The following DLGAP1 variants were observed in gnomAD, a reference collection of about 807,000 sequenced individuals.
DLGAP1 encodes disks large-associated protein 1.
Under a neutral mutation model 90.8 loss-of-function variants are expected in DLGAP1, and 11 were observed. The observed-to-expected ratio is 0.12, with a 90% CI of 0.08 to 0.20. The LOEUF (loss-of-function observed/expected upper bound fraction) is 0.20. Ranked by LOEUF, DLGAP1 falls within the 10% of genes least tolerant of loss-of-function variation. DLGAP1 has a pLI of 1.00. For synonymous variants in DLGAP1, 558 were observed against 540.7 expected, an observed-to-expected ratio of 1.03 and a Z score of -0.44; for missense variants, 1,050 against 1,333.8, an observed-to-expected ratio of 0.79 and a Z score of 3.31.
At chr18:3,808,861 A>ATGGTTT (rs1489824292) in intron 5 of DLGAP1, among the ~76,000 whole-genome samples, 1 of 152,194 alleles carries the variant, frequency 6.6e-6, no homozygotes, top group Non-Finnish European at 1.5e-5. Context: ...GCAAGAGGCT[A>ATGGTTT]TGGTTTTGGG....
At chr18:3,862,569 G>C (rs1329236830) in intron 4 of DLGAP1, among the ~76,000 whole-genome samples, 1 of 152,224 alleles carries the variant, frequency 6.6e-6, no homozygotes, top group Non-Finnish European at 1.5e-5. Flanking sequence ...GACAGCGCCA[G>C]GTGGGTGGGA....
chr18:4,077,106 G>T (rs1414263427), intron 2 of DLGAP1, among the ~76,000 whole-genome samples: 1 of 152,062 alleles, frequency 6.6e-6, no homozygotes, highest in East Asian at 1.9e-4. Flanking sequence ...TACCCAAAGG[G>T]TCATGGTTAA....
Position 3,711,480 on chromosome 18 carries a change from A to G in DLGAP1, c.1591+17655T>C, listed in dbSNP as rs769426731. ...CCTAGGTGAGACAACTTCAACTTCA[A>G]TCACCTAAAAGTGGCTCACGTATCC... On this transcript the variant is annotated intron_variant, in intron 7 of 12. Transcript: ENST00000315677. This position sits in a 1 kb window ranked among gnomAD's most constrained non-coding sequence, Gnocchi z 4.0. 1.4e-4 allele frequency among the ~76,000 whole-genome samples: 22 copies of G among 152,234 alleles called. No individual in the cohort carries two copies. The highest frequency in any genetic ancestry group is 4.3e-4 in the African/African-American group (18 of 41,470).
At chr18:3,918,153 C>A (rs1012470979) in intron 3 of DLGAP1, among the ~76,000 whole-genome samples, 2 of 152,172 alleles carry the variant, frequency 1.3e-5, no homozygotes, top group African/African-American at 4.8e-5. Context: ...TTCTTTGGTT[C>A]TTGCAATCAT....
chr18:4,367,828 G>A (rs1375349073), intron 1 of DLGAP1, among the ~76,000 whole-genome samples: 1 of 151,690 alleles, frequency 6.6e-6, no homozygotes, highest in African/African-American at 2.4e-5. Flanking sequence ...CAGCCTGGGC[G>A]ACAGAGTGAG....
At chr18:3,771,931 C>G (rs2064574581) in intron 5 of DLGAP1, among the ~76,000 whole-genome samples, 1 of 152,166 alleles carries the variant, frequency 6.6e-6, no homozygotes, top group African/African-American at 2.4e-5. Context: ...CTCCCGGTCC[C>G]TTCTGAGTTC....
At chr18:4,036,297 AAGGCACTGCATTTTGAAATGCAGTACTT>A (rs1184937424) in intron 2 of DLGAP1, among the ~76,000 whole-genome samples, 1 of 152,206 alleles carries the variant, frequency 6.6e-6, no homozygotes, top group Non-Finnish European at 1.5e-5. Context: ...TCTAAGGTAC[AAGGCACTGCATTTTGAAATGCAGTACTT>A]AGGAAGAATC....
chr18:4,394,059 T>A (rs1488981284), intron 1 of DLGAP1, among the ~76,000 whole-genome samples: 1 of 152,136 alleles, frequency 6.6e-6, no homozygotes. Flanking sequence ...CTAGAACAAC[T>A]AATACGTAGA....
chr18:3,611,415 C>T (rs772554860), intron 7 of DLGAP1, among the ~76,000 whole-genome samples: 44 of 152,188 alleles, frequency 2.9e-4, no homozygotes, highest in Middle Eastern at 6.8e-3. Context: ...CAGTCCTGAC[C>T]GGCTCTACCA....
chr18:4,164,070 T>C (rs755222699), intron 1 of DLGAP1, among the ~76,000 whole-genome samples: 3 of 151,852 alleles, frequency 2.0e-5, no homozygotes, highest in Non-Finnish European at 2.9e-5. Context: ...CAGACCAAAA[T>C]AGCAATGGAA....
chr18:4,049,912 GTCCATCCA>G (rs57986910), intron 2 of DLGAP1, among the ~76,000 whole-genome samples: 7,461 of 148,778 alleles, frequency 0.05, 246 homozygotes, highest in African/African-American at 0.088. Flanking sequence ...CCATCCAACG[GTCCATCCA>G]TCCATCCATC....
chr18:3,771,495 G>A (rs569036364), intron 5 of DLGAP1: 12 of 152,556 alleles, frequency 7.9e-5, no homozygotes, highest in East Asian at 7.7e-4. Context: ...CGTCAGTCCC[G>A]GGGAGGACCG....
At chr18:4,206,176 G>C (rs1316679809) in intron 1 of DLGAP1, among the ~76,000 whole-genome samples, 1 of 152,118 alleles carries the variant, frequency 6.6e-6, no homozygotes, top group Non-Finnish European at 1.5e-5. Context: ...CTGGGACTTA[G>C]GGACTTAAAG....
At chr18:4,074,559 T>A (rs554334136) in intron 2 of DLGAP1, among the ~76,000 whole-genome samples, 1 of 152,268 alleles carries the variant, frequency 6.6e-6, no homozygotes, top group Non-Finnish European at 1.5e-5. Flanking sequence ...AATGTTAATA[T>A]AAAGAATTTA....
Position 3,660,708 on chromosome 18 carries a change from T to G in DLGAP1, c.1591+68427A>C, listed in dbSNP as rs1167824336. 6.6e-6 allele frequency among the ~76,000 whole-genome samples: 1 copy of G among 152,256 alleles called. No individual in the cohort carries two copies. The highest frequency in any genetic ancestry group is 1.5e-5 in the Non-Finnish European group (1 of 68,048). On this transcript the variant is annotated intron_variant, in intron 7 of 12. Coordinates refer to ENST00000315677, the MANE Select transcript of DLGAP1 (RefSeq NM_004746.4). This position sits in a 1 kb window ranked among gnomAD's most constrained non-coding sequence, Gnocchi z 4.2. ...AAAATCTATGTGCAGAGTGAATACA[T>G]ATAACTTGCAGTAAATATTTAGGTG... is the stretch of plus-strand genomic sequence containing the variant.
At chr18:3,939,454 C>G (rs1320335453) in intron 3 of DLGAP1, among the ~76,000 whole-genome samples, 1 of 140,342 alleles carries the variant, frequency 7.1e-6, no homozygotes, top group Non-Finnish European at 1.6e-5. Context: ...CAAAAAAACA[C>G]CAAAAAAACA....
In DLGAP1 at chr18:3,567,668, T is replaced by A. The variant is rs144262258; in HGVS notation, c.1966-87A>T. Reference sequence around the variant, plus strand: ...CATCACATTTTATGAGAAAAATCTCTAATATGACTGGAATGTTTTGTAATT... The same window carrying A: ...CATCACATTTTATGAGAAAAATCTCAAATATGACTGGAATGTTTTGTAATT... On this transcript the variant is annotated intron_variant, in intron 8 of 12. Coordinates refer to ENST00000315677, the MANE Select transcript of DLGAP1 (RefSeq NM_004746.4). The A allele has an allele frequency of 2.2e-4, 254 of 1,169,506 alleles. No individual in the cohort carries two copies. The East Asian group carries it at 5.8e-3, about 27-fold the overall frequency. 72.4% of individuals were successfully genotyped at this position (1,169,506 alleles called of 1,614,324 possible).
At chr18:3,683,857 G>T (rs1341616288) in intron 7 of DLGAP1, among the ~76,000 whole-genome samples, 4 of 152,024 alleles carry the variant, frequency 2.6e-5, no homozygotes, top group African/African-American at 9.7e-5. Context: ...TATGTTTTTT[G>T]GGAAATCACT....
intron 1 of DLGAP1, among the ~76,000 whole-genome samples, chr18:4,278,707 G>A (rs1404418482): frequency 6.6e-6 from 1 of 151,456 alleles, no homozygotes; most frequent in East Asian, 1.9e-4. Flanking sequence ...ATATATATAT[G>A]TGCATGTGTG....
Sources: allele counts gnomAD v4.1 joint callset (sites outside exome capture counted in the v4.1 genomes callset), GRCh38; gene constraint gnomAD v4.1.1; non-coding constraint Gnocchi (gnomAD v3.1); transcripts MANE v1.5; gene names NCBI Gene and HGNC (gene_info 2026-07-23, HGNC 2026-07-21).